PRKG1: variants seen among roughly 807,000 people sequenced by gnomAD.
The protein encoded by PRKG1 is protein kinase cGMP-dependent 1.
Under a neutral mutation model 88.1 loss-of-function variants are expected in PRKG1, and 35 were observed. That is an observed-to-expected ratio of 0.40 (90% CI 0.30 to 0.53). PRKG1 has a LOEUF of 0.53. PRKG1 is among the 20% of genes least tolerant of loss of function. The pLI is 0.59. For synonymous variants in PRKG1, 303 were observed against 292.5 expected (o/e 1.04, Z -0.37); for missense variants, 540 against 839.8 (o/e 0.64, Z 4.41).
At chr10:51,107,351 A>G (rs1361314602) in intron 1 of PRKG1, among the ~76,000 whole-genome samples, 2 of 152,176 alleles carry the variant, frequency 1.3e-5, no homozygotes, top group African/African-American at 4.8e-5. Context: ...GTGCGATATT[A>G]TATGATTCAC....
intron 3 of PRKG1, among the ~76,000 whole-genome samples, chr10:51,492,044 T>C (rs559104992): frequency 6.6e-6 from 1 of 152,260 alleles, no homozygotes; most frequent in African/African-American, 2.4e-5. Context: ...TCAACAAATA[T>C]TTATGCCACT....
In PRKG1 at chr10:51,236,562, G is replaced by A. The variant is rs542985862; in HGVS notation, c.478+83232G>A. Among the ~76,000 whole-genome samples, 16 of 151,558 alleles carry A rather than the reference G, an allele frequency of 1.1e-4. No homozygotes were observed. In the South Asian group the frequency reaches 2.5e-3, roughly 24 times the overall value. ...CTGTCGCCCAGGCTGGAGTGCAGTG[G>A]CATGATCTTGGCTCACTGCAACCTC... On this transcript the variant is annotated intron_variant, in intron 2 of 17. Transcript: ENST00000373980.
chr10:51,864,798 G>T (rs1215998294), intron 4 of PRKG1, among the ~76,000 whole-genome samples: 2 of 152,122 alleles, frequency 1.3e-5, no homozygotes, highest in Admixed American at 1.3e-4. Context: ...ATTGTTGTTT[G>T]TACATTCACA....
At chr10:51,671,585 TCTCTC>T (rs1840578512) in intron 3 of PRKG1, among the ~76,000 whole-genome samples, 1 of 149,700 alleles carries the variant, frequency 6.7e-6, no homozygotes, top group African/African-American at 2.5e-5. Flanking sequence ...TCTCTCTCTC[TCTCTC>T]TTTTTTTTTT....
chr10:51,700,697 C>G (rs1841443373), intron 3 of PRKG1, among the ~76,000 whole-genome samples: 1 of 152,148 alleles, frequency 6.6e-6, no homozygotes, highest in African/African-American at 2.4e-5. Flanking sequence ...TCGCATAGCT[C>G]CAATTCTACA....
chr10:52,062,441 AAAGAAAC>A, intron 6 of PRKG1, 89 bp from the exon 7 acceptor site: 1 of 725,172 alleles, frequency 1.4e-6, no homozygotes, highest in Non-Finnish European at 2.1e-6. Context: ...AAAAATAAGA[AAAGAAAC>A]AAGAAACGGA....
chr10:51,796,439 TCTTGTGTGTAA>T (rs1668834795), intron 3 of PRKG1, among the ~76,000 whole-genome samples: 1 of 152,106 alleles, frequency 6.6e-6, no homozygotes, highest in African/African-American at 2.4e-5. Flanking sequence ...ATCTTCTAAA[TCTTGTGTGTAA>T]CTTGTGCATC....
intron 2 of PRKG1, among the ~76,000 whole-genome samples, chr10:51,363,751 A>C (rs985824106): frequency 2.0e-5 from 3 of 151,974 alleles, no homozygotes; most frequent in Admixed American, 6.6e-5. Context: ...AAGTCAAAGC[A>C]TGTGAACCCT....
At chr10:51,918,867 G>A (rs1226041488) in intron 5 of PRKG1, among the ~76,000 whole-genome samples, 1 of 151,896 alleles carries the variant, frequency 6.6e-6, no homozygotes, top group Non-Finnish European at 1.5e-5. Context: ...CTTAATCCGA[G>A]ACATATTTGT....
Position 52,166,851 on chromosome 10 carries a change from C to CTA in PRKG1, c.1076+4898_1076+4899dup, listed in dbSNP as rs1324366026. Among the ~76,000 whole-genome samples the CTA allele has an allele frequency of 6.0e-4, 23 of 38,240 alleles. 1 individual carries two copies. In the Admixed American group the frequency reaches 6.8e-3, roughly 11 times the overall value. The allele number at this position is 38,240 out of a possible 152,430, so 25.1% of individuals were successfully genotyped here. ...TATGTATATATATGTATATATATGT[C>CTA]TATATATATATCTGTATATGTGTAT... On this transcript the variant is annotated intron_variant, in intron 9 of 17. Transcript: ENST00000373980.
chr10:51,138,075 A>G (rs964930371), intron 1 of PRKG1, among the ~76,000 whole-genome samples: 1 of 152,152 alleles, frequency 6.6e-6, no homozygotes, highest in African/African-American at 2.4e-5. Context: ...TTGTAGATTT[A>G]CTCCTCATTA....
chr10:51,854,945 AG>A (rs1840643317), intron 4 of PRKG1, among the ~76,000 whole-genome samples: 3 of 152,140 alleles, frequency 2.0e-5, no homozygotes, highest in Admixed American at 6.5e-5. Flanking sequence ...AGAACTGGGA[AG>A]GGTGGAGGAA....
intron 3 of PRKG1, among the ~76,000 whole-genome samples, chr10:51,580,981 G>A (rs1368523698): frequency 6.6e-6 from 1 of 151,342 alleles, no homozygotes; most frequent in African/African-American, 2.5e-5. Flanking sequence ...TAATAGACAC[G>A]CACAAGATAG....
intron 3 of PRKG1, among the ~76,000 whole-genome samples, chr10:51,774,085 G>A (rs2132550458): frequency 6.6e-6 from 1 of 152,158 alleles, no homozygotes; most frequent in African/African-American, 2.4e-5. Flanking sequence ...TGTTGGAGAG[G>A]TGGAGTCTCT....
chr10:51,719,159 A>AGAGT (rs1841956423), intron 3 of PRKG1, among the ~76,000 whole-genome samples: 1 of 138,682 alleles, frequency 7.2e-6, no homozygotes, highest in Non-Finnish European at 1.6e-5. Context: ...CAAAAAAAAG[A>AGAGT]GAGAGAGAGA....
chr10:51,221,607 G>A (rs1289474953), intron 2 of PRKG1, among the ~76,000 whole-genome samples: 2 of 139,420 alleles, frequency 1.4e-5, no homozygotes, highest in African/African-American at 5.4e-5. Context: ...TCAATACAAT[G>A]TGTTCTAAAA....
chr10:52,121,115 C>T (rs942725072), intron 7 of PRKG1, among the ~76,000 whole-genome samples: 1 of 152,130 alleles, frequency 6.6e-6, no homozygotes, highest in African/African-American at 2.4e-5. Flanking sequence ...CCTGGGGTGG[C>T]CCAGGAGTGC....
intron 2 of PRKG1, among the ~76,000 whole-genome samples, chr10:51,442,397 A>G (rs1839141869): frequency 6.6e-6 from 1 of 151,970 alleles, no homozygotes; most frequent in East Asian, 1.9e-4. Context: ...CAAAATTAGT[A>G]CTATAATAGT....
intron 7 of PRKG1, among the ~76,000 whole-genome samples, chr10:52,121,189 G>A (rs1847812019): frequency 6.6e-6 from 1 of 152,060 alleles, no homozygotes; most frequent in Non-Finnish European, 1.5e-5. Flanking sequence ...CAAATCATGA[G>A]GCCTTTAGAG....
Sources: allele counts gnomAD v4.1 joint callset (sites outside exome capture counted in the v4.1 genomes callset), GRCh38; gene constraint gnomAD v4.1.1; transcripts MANE v1.5; gene names NCBI Gene and HGNC (gene_info 2026-07-23, HGNC 2026-07-21).